Variants in KCNQ1 observed in about 807,000 individuals in gnomAD.
KCNQ1 encodes potassium voltage-gated channel subfamily KQT member 1.
A neutral mutation model predicts 72.4 loss-of-function variants in KCNQ1; 49 were observed. The observed-to-expected ratio is 0.68, with a 90% CI of 0.54 to 0.86. The LOEUF is 0.86. Ranked by LOEUF, KCNQ1 falls within the 40% of genes least tolerant of loss-of-function variation. The pLI is 0.00. For synonymous variants in KCNQ1, 450 were observed against 412.6 expected, an observed-to-expected ratio of 1.09 and a Z score of -1.10; for missense variants, 790 against 945.1, an observed-to-expected ratio of 0.84 and a Z score of 2.15.
chr11:2,529,666 G>C (rs1199542488), intron 2 of KCNQ1, among the ~76,000 whole-genome samples: 1 of 152,150 alleles, frequency 6.6e-6, no homozygotes, highest in African/African-American at 2.4e-5. Context: ...CTGTGGTCCT[G>C]CTACTTCTCG....
intron 15 of KCNQ1, among the ~76,000 whole-genome samples, chr11:2,837,658 G>A (rs548000404): frequency 6.6e-6 from 1 of 152,310 alleles, no homozygotes; most frequent in East Asian, 1.9e-4. Flanking sequence ...GCCAAACCAG[G>A]AGGGGGAAGG....
In KCNQ1 at chr11:2,786,773, C is replaced by T. The variant is rs115065979; in HGVS notation, c.1794+8736C>T. Among the ~76,000 whole-genome samples, 676 of 151,976 alleles carry T rather than the reference C, an allele frequency of 4.4e-3. 7 individuals are homozygous for T. Among genetic ancestry groups the T allele is most frequent in the African/African-American group, 0.015 (639 of 41,476 alleles). On this transcript the variant is annotated intron_variant, in intron 15 of 15. Transcript: ENST00000155840. Reference sequence around the variant, plus strand: ...TTCATATCTGATAAGTCATTTTAATCGTATCTTCCTCTTTACTTGCCTGTT... The same window carrying T: ...TTCATATCTGATAAGTCATTTTAATTGTATCTTCCTCTTTACTTGCCTGTT...
rs1003605919 is a variant in KCNQ1 at position 2,656,929 on chromosome 11, T to C, written c.1394-5032T>C. 4 of 398,536 alleles carry C rather than the reference T, an allele frequency of 1.0e-5. No homozygotes were observed. In the Admixed American group the frequency reaches 1.8e-4, roughly 18 times the overall value. The allele number at this position is 398,536 out of a possible 1,614,324, so 24.7% of individuals were successfully genotyped here. ...TGAGGTAATTAAGGGTCCAACTTAA[T>C]GTTTTTCCAGTGTGGGTATCCAACT... On this transcript the variant is annotated intron_variant, in intron 10 of 15. Coordinates refer to ENST00000155840, the MANE Select transcript of KCNQ1 (RefSeq NM_000218.3).
intron 10 of KCNQ1, chr11:2,610,094 C>T: frequency 5.0e-6 from 2 of 397,794 alleles, no homozygotes; most frequent in Non-Finnish European, 8.9e-6. Flanking sequence ...CTCTATTTCT[C>T]CTTTGCTGCT....
At chr11:2,641,743 C>T in intron 10 of KCNQ1, 1 of 398,340 alleles carries the variant, frequency 2.5e-6, no homozygotes, top group East Asian at 3.6e-5. Context: ...CCAATGTCTC[C>T]TTCATTAATA....
intron 2 of KCNQ1, among the ~76,000 whole-genome samples, chr11:2,539,429 G>C (rs1178822196): frequency 6.6e-6 from 1 of 152,226 alleles, no homozygotes; most frequent in African/African-American, 2.4e-5. Flanking sequence ...CGCTAGGCAG[G>C]CGCTGGCATC....
intron 1 of KCNQ1, among the ~76,000 whole-genome samples, chr11:2,504,535 C>G (rs7111657): frequency 0.045 from 6,868 of 152,198 alleles, 422 homozygotes; most frequent in African/African-American, 0.14. Flanking sequence ...TCATATGACT[C>G]ACTTAAGGCC....
intron 15 of KCNQ1, among the ~76,000 whole-genome samples, chr11:2,832,878 C>T (rs1282374660): frequency 6.6e-6 from 1 of 152,122 alleles, no homozygotes; most frequent in Non-Finnish European, 1.5e-5. Context: ...CTGGCCAGGG[C>T]TCCATGGGGC....
intron 10 of KCNQ1, chr11:2,614,743 TTG>T (rs769106320): frequency 4.0e-5 from 16 of 398,394 alleles, no homozygotes; most frequent in Non-Finnish European, 6.6e-5. Context: ...ATGTCCATCC[TTG>T]TGTCCTAGAG....
chr11:2,805,841 T>C (rs1847360841), intron 15 of KCNQ1, among the ~76,000 whole-genome samples: 1 of 152,138 alleles, frequency 6.6e-6, no homozygotes. Context: ...ATCACGGGGA[T>C]TAAAAAACAT....
At chr11:2,615,371 G>T in intron 10 of KCNQ1, 1 of 397,908 alleles carries the variant, frequency 2.5e-6, no homozygotes, top group Non-Finnish European at 4.4e-6. Flanking sequence ...TTCCAATTTG[G>T]ATGCTATTCA....
rs1437871680 is a variant in KCNQ1, at chr11:2,593,160, C to T, written c.1393+4306C>T. On this transcript the variant is annotated intron_variant, in intron 10 of 15. Coordinates refer to ENST00000155840, the MANE Select transcript of KCNQ1 (RefSeq NM_000218.3). This position sits in a 1 kb window ranked among gnomAD's most constrained non-coding sequence, Gnocchi z 6.9. ...CCATGGTGGGTACACGATAAAAATGCAGGGCTGTGCCACCAGGGTTTTGTC... is the reference window on the plus strand; with the variant it reads ...CCATGGTGGGTACACGATAAAAATGTAGGGCTGTGCCACCAGGGTTTTGTC... Among the ~76,000 whole-genome samples the T allele has an allele frequency of 6.6e-6, 1 of 152,182 alleles. No individual in the cohort carries two copies. Among genetic ancestry groups the T allele is most frequent in the Non-Finnish European group, 1.5e-5 (1 of 68,040 alleles).
Position 2,648,189 on chromosome 11 carries a change from A to G in KCNQ1, c.1394-13772A>G, listed in dbSNP as rs868134709. ...CACTGCGCTCTAGCCTGGGTGACAGAGTGAGACCGTGTCTCGGGGGGTGGG... is the reference window on the plus strand; with the variant it reads ...CACTGCGCTCTAGCCTGGGTGACAGGGTGAGACCGTGTCTCGGGGGGTGGG... On this transcript the variant is annotated intron_variant, in intron 10 of 15. Transcript: ENST00000155840. 7.1e-5 allele frequency: 9 copies of G among 126,322 alleles called. No homozygotes were observed. The South Asian group carries it at 2.7e-3, about 38-fold the overall frequency. 7.8% of individuals were successfully genotyped at this position (126,322 alleles called of 1,614,324 possible).
chr11:2,484,407 C>A lies in KCNQ1; in HGVS notation c.386+38923C>A, dbSNP rs996995563. ...CTTGAACTCCTAACCTCAGGTGATCCACCCGCCTTGGCCTCCCAAAGTGCA... is the reference window on the plus strand; with the variant it reads ...CTTGAACTCCTAACCTCAGGTGATCAACCCGCCTTGGCCTCCCAAAGTGCA... On this transcript the variant is annotated intron_variant, in intron 1 of 15. Transcript: ENST00000155840. The surrounding 1 kb of genome is among the most constrained non-coding windows in gnomAD (Gnocchi z 5.2). Among the ~76,000 whole-genome samples the A allele has an allele frequency of 1.3e-5, 2 of 152,186 alleles. No individual in the cohort carries two copies. Among genetic ancestry groups the A allele is most frequent in the African/African-American group, 4.8e-5 (2 of 41,438 alleles).
chr11:2,762,651 G>A lies in KCNQ1; in HGVS notation c.1515-6193G>A, dbSNP rs565705672. Among the ~76,000 whole-genome samples, 7 of 152,296 alleles carry A rather than the reference G, an allele frequency of 4.6e-5. No homozygotes were observed. The highest frequency in any genetic ancestry group is 3.9e-4 in the East Asian group (2 of 5,188). ...AAGTGAACGTGATCACCTGAGCTCC[G>A]CCTCCTGTCAGATCAGTGGTGGCAT... is the stretch of plus-strand genomic sequence containing the variant. On this transcript the variant is annotated intron_variant, in intron 11 of 15. Transcript: ENST00000155840. The surrounding 1 kb of genome is among the most constrained non-coding windows in gnomAD (Gnocchi z 4.3).
rs895462527 is a variant in KCNQ1 at position 2,482,206 on chromosome 11, A to ATG, written c.386+36733_386+36734dup. On this transcript the variant is annotated intron_variant, in intron 1 of 15. Transcript: ENST00000155840. The surrounding 1 kb of genome is among the most constrained non-coding windows in gnomAD (Gnocchi z 5.7). ...TATCACTGCGTGTGTGTGTGTGTAT[A>ATG]TGTGTGTGTGTGCATACTTGCCTAT... 3.6e-4 allele frequency among the ~76,000 whole-genome samples: 55 copies of ATG among 151,956 alleles called. No homozygotes were observed. Among genetic ancestry groups the ATG allele is most frequent in the Admixed American group, 7.2e-4 (11 of 15,266 alleles).
At chr11:2,466,398 G>A (rs1019963743) in intron 1 of KCNQ1, among the ~76,000 whole-genome samples, 4 of 152,170 alleles carry the variant, frequency 2.6e-5, no homozygotes, top group Non-Finnish European at 5.9e-5. Flanking sequence ...CCAGAAGAGA[G>A]TGAGTTTTGA....
intron 11 of KCNQ1, among the ~76,000 whole-genome samples, chr11:2,719,598 C>A (rs1259407742): frequency 1.3e-5 from 2 of 152,172 alleles, no homozygotes; most frequent in South Asian, 2.1e-4. Context: ...AGCTGAAAAC[C>A]CTCATTTGTT....
intron 2 of KCNQ1, among the ~76,000 whole-genome samples, chr11:2,548,845 T>C (rs1203606646): frequency 6.6e-6 from 1 of 152,054 alleles, no homozygotes; most frequent in Non-Finnish European, 1.5e-5. Context: ...CCCAGGTGGG[T>C]GGGTGTCTGA....
Sources: gnomAD v4.1 joint callset for allele counts (sites outside exome capture counted in the v4.1 genomes callset) on GRCh38, gnomAD v4.1.1 for gene constraint, Gnocchi (gnomAD v3.1) non-coding constraint, MANE v1.5 for transcripts, NCBI Gene and HGNC (gene_info 2026-07-23, HGNC 2026-07-21) for gene names.